MMP26: variants seen among roughly 807,000 people sequenced by gnomAD.
MMP26 encodes matrix metalloproteinase-26.
MMP26 carries 33 observed loss-of-function variants against 31.0 expected under a neutral mutation model. That is an observed-to-expected ratio of 1.06 (90% CI 0.81 to 1.42). MMP26 has a LOEUF of 1.42. MMP26 is among the 40% of genes most tolerant of loss of function. The probability of loss-of-function intolerance (pLI) is 0.00; values close to 1 mark genes in which losing one functional copy is unlikely to be tolerated. For missense variants in MMP26, 347 were observed against 316.1 expected (o/e 1.10, Z -0.74); for synonymous variants, 122 against 114.9 (o/e 1.06, Z -0.40).
intron 2 of MMP26, chr11:4,882,434 CCATTTTGCT>C (rs1450313779): frequency 1.9e-6 from 3 of 1,613,768 alleles, no homozygotes; most frequent in African/African-American, 2.7e-5. Context: ...GCTTTCCCAT[CCATTTTGCT>C]ACCACCCAGA....
rs1444258938 is a variant in MMP26, at chr11:4,952,452, T to A, written c.-144-35616T>A. Among the ~76,000 whole-genome samples, 2 of 125,430 alleles carry A rather than the reference T, an allele frequency of 1.6e-5. 1 individual carries two copies. The highest frequency in any genetic ancestry group is 5.4e-5 in the African/African-American group (2 of 36,934). The allele number at this position is 125,430 out of a possible 152,430, so 82.3% of individuals were successfully genotyped here. On this transcript the variant is annotated intron_variant, in intron 2 of 7. Coordinates refer to ENST00000380390, the MANE Select transcript of MMP26 (RefSeq NM_021801.5). ...GTTGTACTACAACCCCAAACCCATATCTGTATTTGTAAGACTTTGGAAAAG... is the reference window on the plus strand; with the variant it reads ...GTTGTACTACAACCCCAAACCCATAACTGTATTTGTAAGACTTTGGAAAAG...
At chr11:4,880,424 A>AG (rs1039042614) in intron 2 of MMP26, among the ~76,000 whole-genome samples, 3 of 152,076 alleles carry the variant, frequency 2.0e-5, no homozygotes, top group African/African-American at 7.2e-5. Flanking sequence ...GATGGGATGA[A>AG]GAAAGGGAGG....
At chr11:4,848,421 A>G (rs1327203833) in intron 2 of MMP26, 1 of 1,613,778 alleles carries the variant, frequency 6.2e-7, no homozygotes, top group African/African-American at 1.3e-5. Context: ...TGCCAGGAGG[A>G]TCATAGGGAT....
At chr11:4,868,221 C>T (rs1375042447) in intron 2 of MMP26, among the ~76,000 whole-genome samples, 1 of 152,028 alleles carries the variant, frequency 6.6e-6, no homozygotes, top group African/African-American at 2.4e-5. Context: ...ATGGGGGGAA[C>T]AACACACACT....
At chr11:4,853,956 A>G (rs1344305720) in intron 2 of MMP26, among the ~76,000 whole-genome samples, 6 of 152,366 alleles carry the variant, frequency 3.9e-5, no homozygotes, top group Non-Finnish European at 2.9e-5. Flanking sequence ...TTTATGCGTA[A>G]GTGCAGAGTT....
chr11:4,921,700 T>A (rs1349130892), intron 2 of MMP26, among the ~76,000 whole-genome samples: 1 of 152,254 alleles, frequency 6.6e-6, no homozygotes, highest in Non-Finnish European at 1.5e-5. Flanking sequence ...TACCTTTGTA[T>A]GTATTCATGA....
In MMP26 at chr11:4,723,176, T is replaced by C. The variant is rs576491773; in HGVS notation, c.-217+18131T>C. 3.3e-5 allele frequency: 52 copies of C among 1,593,678 alleles called. No individual in the cohort carries two copies. In the African/African-American group the frequency reaches 4.7e-4, roughly 14 times the overall value. On this transcript the variant is annotated intron_variant, in intron 1 of 7. Transcript: ENST00000380390. ...GGCCAGCTCCCCACGCTGCTCGGCA[T>C]CTGCGATGGCGGCCTCCAGGGAAGC...
intron 2 of MMP26, among the ~76,000 whole-genome samples, chr11:4,925,866 C>T (rs1330093012): frequency 5.3e-5 from 8 of 151,278 alleles, no homozygotes. Flanking sequence ...GTTAATTTTT[C>T]AGAGACTGTT....
At chr11:4,705,698 A>AG in intron 1 of MMP26, among the ~76,000 whole-genome samples, 1 of 152,292 alleles carries the variant, frequency 6.6e-6, no homozygotes, top group East Asian at 1.9e-4. Flanking sequence ...TTTTTTAAAA[A>AG]GCTATTATTG....
intron 1 of MMP26, among the ~76,000 whole-genome samples, chr11:4,765,810 A>C (rs1189720044): frequency 6.6e-6 from 1 of 152,194 alleles, no homozygotes; most frequent in Non-Finnish European, 1.5e-5. Flanking sequence ...TTTTATGGAA[A>C]ATGTATGGTG....
chr11:4,976,188 A>C (rs1157138459), intron 2 of MMP26, among the ~76,000 whole-genome samples: 3 of 152,062 alleles, frequency 2.0e-5, no homozygotes, highest in Non-Finnish European at 4.4e-5. Flanking sequence ...CTAGTTTATA[A>C]AAATGCAAAA....
intron 2 of MMP26, among the ~76,000 whole-genome samples, chr11:4,966,519 T>C (rs1846597267): frequency 6.6e-6 from 1 of 152,082 alleles, no homozygotes; most frequent in African/African-American, 2.4e-5. Flanking sequence ...AATTGAACAA[T>C]ACAGAGATAA....
At chr11:4,971,452 G>T (rs1189776799) in intron 2 of MMP26, among the ~76,000 whole-genome samples, 1 of 152,156 alleles carries the variant, frequency 6.6e-6, no homozygotes, top group African/African-American at 2.4e-5. Context: ...GATGCTTAAA[G>T]AACAGTAAGA....
At chr11:4,797,194 A>T (rs1849119211) in intron 2 of MMP26, among the ~76,000 whole-genome samples, 1 of 152,272 alleles carries the variant, frequency 6.6e-6, no homozygotes, top group African/African-American at 2.4e-5. Context: ...ACAATTACAA[A>T]ACATGACTGT....
chr11:4,874,771 A>T (rs1437454021), intron 2 of MMP26, among the ~76,000 whole-genome samples: 1 of 152,116 alleles, frequency 6.6e-6, no homozygotes, highest in South Asian at 2.1e-4. Flanking sequence ...ATGACACCAA[A>T]AAATTGAAAT....
intron 2 of MMP26, among the ~76,000 whole-genome samples, chr11:4,855,910 C>T (rs1850044706): frequency 2.0e-5 from 3 of 152,076 alleles, no homozygotes; most frequent in Admixed American, 6.6e-5. Context: ...AGAGTGGGGG[C>T]CAATATTCAA....
intron 2 of MMP26, among the ~76,000 whole-genome samples, chr11:4,858,122 C>G (rs1325259682): frequency 1.3e-5 from 2 of 152,100 alleles, no homozygotes; most frequent in Non-Finnish European, 2.9e-5. Context: ...CAATATCATA[C>G]TGAATGGGCA....
rs533692380 is a variant in MMP26 at position 4,840,826 on chromosome 11, G to C, written c.-145+73485G>C. On this transcript the variant is annotated intron_variant, in intron 2 of 7. Transcript: ENST00000380390. ...CCAAATAAACTAAATAAGGCACCAG[G>C]GACCAATCCTGGAGAAACAGAGATA... Among the ~76,000 whole-genome samples, 6 of 152,220 alleles carry C rather than the reference G, an allele frequency of 3.9e-5. 1 individual carries two copies. In the East Asian group the frequency reaches 1.2e-3, roughly 29 times the overall value.
intron 2 of MMP26, among the ~76,000 whole-genome samples, chr11:4,853,647 T>C (rs1850005807): frequency 1.3e-5 from 2 of 152,292 alleles, no homozygotes; most frequent in African/African-American, 2.4e-5. Context: ...CAATTACTAA[T>C]TAAAACTCTT....
Sources: gnomAD v4.1 joint callset for allele counts (sites outside exome capture counted in the v4.1 genomes callset) on GRCh38, gnomAD v4.1.1 for gene constraint, MANE v1.5 for transcripts, NCBI Gene and HGNC (gene_info 2026-07-23, HGNC 2026-07-21) for gene names.